The following ABCC11 variants were observed in gnomAD, a reference collection of about 807,000 sequenced individuals.
ABCC11 encodes the protein ATP binding cassette subfamily C member 11.
Under a neutral mutation model 149.3 loss-of-function variants are expected in ABCC11, and 135 were observed. That is an observed-to-expected ratio of 0.90 (90% CI 0.79 to 1.04). The LOEUF (loss-of-function observed/expected upper bound fraction) is 1.04, where lower values mean the gene tolerates loss of function less well. Ranked by LOEUF, ABCC11 falls within the 50% of genes least tolerant of loss-of-function variation. ABCC11 has a pLI of 0.00. For synonymous variants in ABCC11, 665 were observed against 671.4 expected, an observed-to-expected ratio of 0.99 and a Z score of 0.15; for missense variants, 1,680 against 1,722.1, an observed-to-expected ratio of 0.98 and a Z score of 0.43.
chr16:48,214,118 A>G (rs1305284414), intron 9 of ABCC11, among the ~76,000 whole-genome samples: 5 of 151,886 alleles, frequency 3.3e-5, no homozygotes, highest in African/African-American at 1.2e-4. Flanking sequence ...ATCCATACCC[A>G]TCTCTCCTTC....
intron 13 of ABCC11, 91 bp from the exon 14 acceptor site, chr16:48,203,391 T>C: frequency 8.1e-7 from 1 of 1,233,952 alleles, no homozygotes; most frequent in African/African-American, 1.5e-5. Context: ...TTGATTTTCA[T>C]GCTAAGAAAT....
intron 13 of ABCC11, among the ~76,000 whole-genome samples, chr16:48,204,996 A>T (rs887365827): frequency 6.6e-6 from 1 of 152,138 alleles, no homozygotes; most frequent in Non-Finnish European, 1.5e-5. Flanking sequence ...TTTCCTTTTC[A>T]CAGAACCTCA....
chr16:48,178,096 T>C (rs1966201653), intron 24 of ABCC11, among the ~76,000 whole-genome samples: 1 of 152,204 alleles, frequency 6.6e-6, no homozygotes, highest in Admixed American at 6.5e-5. Flanking sequence ...TTACATGTTA[T>C]ATCATTTCAA....
intron 20 of ABCC11, among the ~76,000 whole-genome samples, chr16:48,190,571 C>T (rs1262604091): frequency 6.6e-6 from 1 of 152,064 alleles, no homozygotes; most frequent in South Asian, 2.1e-4. Context: ...GCCTTGTTGC[C>T]CAGGCTGGTC....
At chr16:48,185,548 T>C (rs187999240) in intron 22 of ABCC11, among the ~76,000 whole-genome samples, 1 of 152,334 alleles carries the variant, frequency 6.6e-6, no homozygotes, top group East Asian at 1.9e-4. Flanking sequence ...TTAAATTATA[T>C]AAATAATGGG....
Position 48,208,399 on chromosome 16 carries a change from C to A in ABCC11, c.1680+26G>T, listed in dbSNP as rs760704478. Reference sequence around the variant, plus strand: ...AGGGCCTGGACTGCCTGCAGACAGGCAAGCATGTGGCCACAGATCACTTAC... The same window carrying A: ...AGGGCCTGGACTGCCTGCAGACAGGAAAGCATGTGGCCACAGATCACTTAC... On this transcript the variant is annotated intron_variant, in intron 12 of 29. Transcript: ENST00000356608. 4 of 1,613,512 alleles carry A rather than the reference C, an allele frequency of 2.5e-6. No homozygotes were observed. The African/African-American group carries it at 4.0e-5, about 16-fold the overall frequency.
intron 9 of ABCC11, 53 bp downstream of exon 9, chr16:48,214,828 T>G: frequency 1.7e-5 from 28 of 1,605,844 alleles, no homozygotes; most frequent in Non-Finnish European, 2.4e-5. Flanking sequence ...AAAGGACACG[T>G]GAGAAAATTC....
chr16:48,238,514 C>T (rs1233941438), intron 1 of ABCC11, among the ~76,000 whole-genome samples: 2 of 151,960 alleles, frequency 1.3e-5, no homozygotes, highest in East Asian at 1.9e-4. Flanking sequence ...CTGGACTTCA[C>T]ATTGGAGAAA....
intron 22 of ABCC11, among the ~76,000 whole-genome samples, chr16:48,185,271 T>G (rs562369194): frequency 1.3e-5 from 2 of 152,340 alleles, no homozygotes; most frequent in South Asian, 2.1e-4. Flanking sequence ...TACCAAGAAA[T>G]TAAAAAGTTT....
At chr16:48,231,521 G>A (rs138009498) in intron 2 of ABCC11, among the ~76,000 whole-genome samples, 13 of 151,986 alleles carry the variant, frequency 8.6e-5, no homozygotes, top group African/African-American at 2.9e-4. Context: ...AAATTAGCTG[G>A]GCGTAGTGGT....
intron 15 of ABCC11, among the ~76,000 whole-genome samples, 171 bp downstream of exon 15, chr16:48,200,105 G>A (rs545128063): frequency 1.1e-4 from 17 of 152,312 alleles, no homozygotes; most frequent in Admixed American, 3.3e-4. Flanking sequence ...GCTTTGTGTG[G>A]AAAGCAGAGG....
chr16:48,232,924 G>A (rs958828297), intron 1 of ABCC11, among the ~76,000 whole-genome samples: 2 of 152,202 alleles, frequency 1.3e-5, no homozygotes, highest in Non-Finnish European at 2.9e-5. Context: ...CTGAGGCTGG[G>A]TATGATGGCA....
rs778082183 is a variant in ABCC11 at position 48,167,351 on chromosome 16, G to T, written c.4072C>A (p.Arg1358=). 17 of 1,258,696 alleles carry T rather than the reference G, an allele frequency of 1.4e-5. No homozygotes were observed. The highest frequency in any genetic ancestry group is 1.6e-5 in the Non-Finnish European group (14 of 855,638). The allele number at this position is 1,258,696 out of a possible 1,614,324, so 78.0% of individuals were successfully genotyped here. ...GGCTTCTTCCGCAGTACCTCCGGCC[G>T]ATCAAATTCTACCACCTGGAGGGTA... The part of the protein sequence containing the change: ...MGNGKVVEFD[R]PEVLRKKPGS... Residue 1358 remains arginine (R), a synonymous_variant, in exon 30 of 30, where the codon CGG becomes AGG. Transcript: ENST00000356608.
At chr16:48,234,927 C>G (rs1299091232) in intron 1 of ABCC11, among the ~76,000 whole-genome samples, 2 of 150,576 alleles carry the variant, frequency 1.3e-5, no homozygotes, top group Non-Finnish European at 1.5e-5. Flanking sequence ...GCCCAGGTTC[C>G]TGATTCTTTC....
intron 1 of ABCC11, among the ~76,000 whole-genome samples, chr16:48,245,920 T>C (rs1971354637): frequency 6.6e-6 from 1 of 152,092 alleles, no homozygotes; most frequent in South Asian, 2.1e-4. Context: ...ACTGGAGGTG[T>C]TGTGTTTTCA....
At chr16:48,213,281 C>T (rs1276194368) in intron 10 of ABCC11, among the ~76,000 whole-genome samples, 162 bp downstream of exon 10, 1 of 152,204 alleles carries the variant, frequency 6.6e-6, no homozygotes, top group Non-Finnish European at 1.5e-5. Context: ...ATCTGTCTTC[C>T]CAGGCTCCAC....
Position 48,203,308 on chromosome 16 carries a change from G to A in ABCC11, c.1806-8C>T, listed in dbSNP as rs1299493411. 6.4e-7 allele frequency: 1 copy of A among 1,571,488 alleles called. No individual in the cohort carries two copies. ...TGGAGCACCTGGAGGTATCTGTGAAGGACAGGGAGCCATAAGGCACAGGGG... is the reference window on the plus strand; with the variant it reads ...TGGAGCACCTGGAGGTATCTGTGAAAGACAGGGAGCCATAAGGCACAGGGG... On this transcript the variant is annotated splice_polypyrimidine_tract_variant and splice_region_variant and intron_variant, in intron 13 of 29. Coordinates refer to ENST00000356608, the MANE Select transcript of ABCC11 (RefSeq NM_001370497.1).
Position 48,213,457 on chromosome 16 carries a change from C to T in ABCC11, c.1342G>A (p.Val448Met), listed in dbSNP as rs1354047125. The change falls in exon 10 of 30, where the codon GTG (valine) becomes ATG (methionine). Residue 448 changes from valine (V) to methionine (M), a missense_variant. By Grantham distance (21) the Val-to-Met change is conservative. Coordinates refer to ENST00000356608, the MANE Select transcript of ABCC11 (RefSeq NM_001370497.1). ...VKGLTNSKSA[V>M]MRFKKFFLQE... is the part of the protein sequence containing the mutation. ...TGATGACCTACCTTGAACCTCATCA[C>T]TGCAGACTTGGAATTCGTGAGACCT... The T allele has an allele frequency of 6.2e-7, 1 of 1,612,556 alleles. No individual in the cohort carries two copies. Among genetic ancestry groups the T allele is most frequent in the Admixed American group, 1.7e-5 (1 of 59,840 alleles).
intron 11 of ABCC11, 134 bp downstream of exon 11, chr16:48,210,814 T>C (rs946275917): frequency 8.1e-7 from 1 of 1,238,698 alleles, no homozygotes; most frequent in Non-Finnish European, 1.1e-6. Context: ...CATGAAAAAT[T>C]TGAATTTTAA....
Sources: allele counts gnomAD v4.1 joint callset (sites outside exome capture counted in the v4.1 genomes callset), GRCh38; gene constraint gnomAD v4.1.1; transcripts MANE v1.5; gene names NCBI Gene and HGNC (gene_info 2026-07-23, HGNC 2026-07-21).